SUPT5H: variants seen among roughly 807,000 people sequenced by gnomAD.
The protein encoded by SUPT5H is transcription elongation factor SPT5.
Under a neutral mutation model 142.5 loss-of-function variants are expected in SUPT5H, and 24 were observed. The observed-to-expected ratio is 0.17, with a 90% CI of 0.12 to 0.24. The LOEUF (loss-of-function observed/expected upper bound fraction) is 0.24, where lower values mean the gene tolerates loss of function less well. Among genes scored for constraint, SUPT5H ranks in the 10% least tolerant of loss-of-function variants. The pLI is 1.00. For missense variants in SUPT5H, 893 were observed against 1,471.8 expected, an observed-to-expected ratio of 0.61 and a Z score of 6.43; for synonymous variants, 546 against 553.0, an observed-to-expected ratio of 0.99 and a Z score of 0.18.
chr19:39,459,501 C>G lies in SUPT5H; in HGVS notation c.525-58C>G. The G allele has an allele frequency of 1.9e-6, 3 of 1,607,326 alleles. 1 individual carries two copies. In the South Asian group the frequency reaches 3.3e-5, roughly 18 times the overall value. On this transcript the variant is annotated intron_variant, in intron 8 of 29. Coordinates refer to ENST00000432763, the MANE Select transcript of SUPT5H (RefSeq NM_001111020.3). ...GAAGGGGGTGGCCCTGGGGGTTCGT[C>G]TGTTTGTTACTGAAGATCCAGCTTC...
Position 39,471,723 on chromosome 19 carries a change from G to A in SUPT5H, c.1943G>A (p.Gly648Asp), listed in dbSNP as rs771222164. The A allele has an allele frequency of 7.4e-6, 12 of 1,613,604 alleles. No individual in the cohort carries two copies. In the Admixed American group the frequency reaches 1.7e-4, roughly 22 times the overall value. Reference sequence around the variant, plus strand: ...ACCCGCCACCTGGTGCTGGCTGGGGGCTCAAAGGTGAGGTGGGCATGGCAG... The same window carrying A: ...ACCCGCCACCTGGTGCTGGCTGGGGACTCAAAGGTGAGGTGGGCATGGCAG... ...CKTRHLVLAG[G>D]SKPRDVTNFT... The change falls in exon 20 of 30, where the codon GGC (glycine) becomes GAC (aspartate). Residue 648 changes from glycine (G) to aspartate (D), a missense_variant. Coordinates refer to ENST00000432763, the MANE Select transcript of SUPT5H (RefSeq NM_001111020.3).
chr19:39,471,078 G>A (rs1308454988), intron 18 of SUPT5H, among the ~76,000 whole-genome samples: 3 of 152,162 alleles, frequency 2.0e-5, no homozygotes, highest in Non-Finnish European at 4.4e-5. Flanking sequence ...GAACAATGTT[G>A]CTATCAGCCC....
intron 1 of SUPT5H, 23 bp from the exon 2 acceptor site, chr19:39,445,781 C>T (rs2078944821): frequency 1.0e-5 from 14 of 1,345,192 alleles, no homozygotes; most frequent in Non-Finnish European, 1.3e-5. Context: ...CCGGAAGCGC[C>T]CTAAGGGGTT....
At chr19:39,468,894 G>T (rs200066547) in intron 14 of SUPT5H, 33 bp downstream of exon 14, 18 of 1,599,850 alleles carry the variant, frequency 1.1e-5, no homozygotes, top group African/African-American at 9.4e-5. Flanking sequence ...GGTAATGGGG[G>T]TGGTGTGAGT....
chr19:39,468,485 C>A, intron 13 of SUPT5H: 1 of 503,726 alleles, frequency 2.0e-6, no homozygotes, highest in Non-Finnish European at 3.6e-6. Context: ...AGCTGACATG[C>A]TAGTTAGGGG....
intron 19 of SUPT5H, 33 bp from the exon 20 acceptor site, chr19:39,471,572 G>A (rs758227656): frequency 1.9e-6 from 3 of 1,613,946 alleles, no homozygotes; most frequent in South Asian, 2.2e-5. Context: ...AGGGGGACAT[G>A]GTCAAGAGAG....
intron 28 of SUPT5H, 126 bp from the exon 29 acceptor site, chr19:39,475,955 G>A (rs2079399055): frequency 3.5e-6 from 3 of 854,532 alleles, no homozygotes; most frequent in South Asian, 3.4e-5. Flanking sequence ...GCCCAGCCTT[G>A]GCCTTTCCTG....
chr19:39,457,953 G>T (rs1002568434), intron 4 of SUPT5H: 8 of 922,768 alleles, frequency 8.7e-6, no homozygotes, highest in Non-Finnish European at 1.4e-5. Context: ...GGGATGTTGT[G>T]GGGAGAGGAC....
intron 28 of SUPT5H, among the ~76,000 whole-genome samples, chr19:39,475,484 G>A (rs1028618985): frequency 2.0e-5 from 3 of 151,982 alleles, no homozygotes; most frequent in African/African-American, 4.8e-5. Flanking sequence ...TCCAGAGGGC[G>A]CCGGAGAGCC....
intron 2 of SUPT5H, among the ~76,000 whole-genome samples, chr19:39,448,051 G>C (rs754060601): frequency 6.6e-6 from 1 of 152,230 alleles, no homozygotes; most frequent in African/African-American, 2.4e-5. Flanking sequence ...CAGAGCAGCC[G>C]TTTGCTTGAT....
chr19:39,453,640 A>G, intron 3 of SUPT5H, 119 bp downstream of exon 3: 9 of 1,255,374 alleles, frequency 7.2e-6, no homozygotes, highest in Non-Finnish European at 9.4e-6. Context: ...GTGCAGTAGC[A>G]TGAACTTGGC....
At chr19:39,467,204 G>A (rs2079252703) in intron 13 of SUPT5H, 1 of 153,002 alleles carries the variant, frequency 6.5e-6, no homozygotes. Flanking sequence ...CCAACATGGT[G>A]AAACCTTGTC....
intron 2 of SUPT5H, among the ~76,000 whole-genome samples, chr19:39,451,816 G>A (rs1322707716): frequency 1.3e-5 from 2 of 152,226 alleles, no homozygotes; most frequent in Admixed American, 6.5e-5. Context: ...ACAGGCATGA[G>A]CCACTGCACC....
Position 39,471,634 on chromosome 19 carries a change from C to A in SUPT5H, c.1854C>A (p.Phe618Leu). Reference sequence around the variant, plus strand: ...GAGAAGGGGAGATTCGCCATCTCTTCCGAAGCTTCGCCTTCCTACATTGCA... The same window carrying A: ...GAGAAGGGGAGATTCGCCATCTCTTACGAAGCTTCGCCTTCCTACATTGCA... The part of the protein sequence containing the change: ...SGREGEIRHL[F>L]RSFAFLHCKK... Residue 618 changes from phenylalanine (F) to leucine (L), a missense_variant, in exon 20 of 30, where the codon TTC becomes TTA. By Grantham distance (22) the Phe-to-Leu change is conservative. Coordinates refer to ENST00000432763, the MANE Select transcript of SUPT5H (RefSeq NM_001111020.3). 1.2e-6 allele frequency: 2 copies of A among 1,614,226 alleles called. No individual in the cohort carries two copies. The highest frequency in any genetic ancestry group is 1.7e-6 in the Non-Finnish European group (2 of 1,180,034).
rs143223072 is a variant in SUPT5H at position 39,458,341 on chromosome 19, T to C, written c.319+36T>C. 7.2e-7 allele frequency: 1 copy of C among 1,394,716 alleles called. No homozygotes were observed. Among genetic ancestry groups the C allele is most frequent in the African/African-American group, 1.5e-5 (1 of 67,628 alleles). The allele number at this position is 1,394,716 out of a possible 1,614,324, so 86.4% of individuals were successfully genotyped here. A position where few individuals can be genotyped will look rare whatever the true frequency, so the allele number is the denominator to read the frequency against. On this transcript the variant is annotated intron_variant, in intron 5 of 29. Coordinates refer to ENST00000432763, the MANE Select transcript of SUPT5H (RefSeq NM_001111020.3). The surrounding 1 kb of genome is among the most constrained non-coding windows in gnomAD (Gnocchi z 4.2). ...GAAAAGTGTGATTCCCTGACCTTCCTCCCATATCCTGACATTTCCTCCTTC... is the reference window on the plus strand; with the variant it reads ...GAAAAGTGTGATTCCCTGACCTTCCCCCCATATCCTGACATTTCCTCCTTC...
Position 39,469,235 on chromosome 19 carries a change from G to C in SUPT5H, c.1238-27G>C. On this transcript the variant is annotated intron_variant, in intron 15 of 29. Coordinates refer to ENST00000432763, the MANE Select transcript of SUPT5H (RefSeq NM_001111020.3). The surrounding 1 kb of genome is among the most constrained non-coding windows in gnomAD (Gnocchi z 5.1). ...GGGGCGGCCCATGGTGGCAACCCCCGAGTCAGCCCTACGACTGCCCCTGCA... is the reference window on the plus strand; with the variant it reads ...GGGGCGGCCCATGGTGGCAACCCCCCAGTCAGCCCTACGACTGCCCCTGCA... 6.2e-7 allele frequency: 1 copy of C among 1,614,202 alleles called. No individual in the cohort carries two copies.
Position 39,472,667 on chromosome 19 carries a change from T to C in SUPT5H, c.2036-143T>C. The C allele has an allele frequency of 7.0e-7, 1 of 1,422,874 alleles. No individual in the cohort carries two copies. The allele number at this position is 1,422,874 out of a possible 1,614,324, so 88.1% of individuals were successfully genotyped here. A position where few individuals can be genotyped will look rare whatever the true frequency, so the allele number is the denominator to read the frequency against. ...CAGCCCAGAATGGTCAGGGCTTCCA[T>C]AGGAAAGCCATGGGGCAGGGGTGGG... On this transcript the variant is annotated intron_variant, in intron 21 of 29. Coordinates refer to ENST00000432763, the MANE Select transcript of SUPT5H (RefSeq NM_001111020.3). The surrounding 1 kb of genome is among the most constrained non-coding windows in gnomAD (Gnocchi z 4.2).
At chr19:39,457,359 T>G (rs1600704011) in intron 3 of SUPT5H, among the ~76,000 whole-genome samples, 1 of 152,252 alleles carries the variant, frequency 6.6e-6, no homozygotes, top group South Asian at 2.1e-4. Context: ...AACTATTTAT[T>G]GATCATTTTC....
chr19:39,465,060 C>G lies in SUPT5H; in HGVS notation c.876+11C>G. On this transcript the variant is annotated intron_variant, in intron 11 of 29. Transcript: ENST00000432763. ...GATGACATTGCTCAGGTGCCCGGGG[C>G]GGGGTGGCATGGGGGTCAGGGTCCC... 12 of 1,607,076 alleles carry G rather than the reference C, an allele frequency of 7.5e-6. No individual in the cohort carries two copies. Among genetic ancestry groups the G allele is most frequent in the Non-Finnish European group, 1.0e-5 (12 of 1,174,882 alleles).
Sources: allele counts gnomAD v4.1 joint callset (sites outside exome capture counted in the v4.1 genomes callset), GRCh38; gene constraint gnomAD v4.1.1; non-coding constraint Gnocchi (gnomAD v3.1); transcripts MANE v1.5; gene names NCBI Gene and HGNC (gene_info 2026-07-23, HGNC 2026-07-21).